The following TDRD12 variants were observed in gnomAD, a reference collection of about 807,000 sequenced individuals.
The protein encoded by TDRD12 is tudor domain containing 12.
A neutral mutation model predicts 133.5 loss-of-function variants in TDRD12; 158 were observed. The observed-to-expected ratio is 1.18, with a 90% confidence interval of 1.04 to 1.35. The LOEUF is 1.35. TDRD12 is among the 40% of genes most tolerant of loss of function. The pLI, the probability that TDRD12 is intolerant of heterozygous loss-of-function variation, is 0.00. For synonymous variants in TDRD12, 460 were observed against 477.9 expected (o/e 0.96, Z 0.49); for missense variants, 1,443 against 1,321.3 (o/e 1.09, Z -1.43).
chr19:32,722,679 ATTTTT>A (rs34068580), intron 1 of TDRD12, among the ~76,000 whole-genome samples: 1 of 102,064 alleles, frequency 9.8e-6, no homozygotes, highest in Non-Finnish European at 2.3e-5. Flanking sequence ...TTTAAAAAAA[ATTTTT>A]TTTTTTTTTT....
Position 32,810,267 on chromosome 19 carries a change from CT to C in TDRD12, c.2832del (p.His945ThrfsTer8). ...ATTGTATGGATTAGCAGAAAAAACGCTTTTTCACAGGTAACACATCTGTTTA... is the reference window on the plus strand; with the variant it reads ...ATTGTATGGATTAGCAGAAAAAACGCTTTTCACAGGTAACACATCTGTTTA... On this transcript the variant is annotated frameshift_variant, in exon 23 of 28. Transcript: ENST00000444215. LOFTEE classifies it high-confidence loss of function. The C allele has an allele frequency of 5.3e-6, 8 of 1,514,782 alleles. No individual in the cohort carries two copies. The highest frequency in any genetic ancestry group is 7.0e-6 in the Non-Finnish European group (8 of 1,138,218). The allele number at this position is 1,514,782 out of a possible 1,614,324, so 93.8% of individuals were successfully genotyped here.
chr19:32,811,398 A>G, exon 24 of TDRD12: 1 of 1,536,158 alleles, frequency 6.5e-7, no homozygotes, highest in East Asian at 2.4e-5. Context: ...CCTGCTGACA[A>G]CGAAATAGAA....
At chr19:32,743,200 C>T (rs1018192264) in intron 4 of TDRD12, among the ~76,000 whole-genome samples, 18 of 152,248 alleles carry the variant, frequency 1.2e-4, no homozygotes, top group African/African-American at 2.7e-4. Flanking sequence ...CACGCGCACG[C>T]GCGCACGGTC....
intron 8 of TDRD12, among the ~76,000 whole-genome samples, chr19:32,772,453 A>G (rs949574200): frequency 6.6e-6 from 1 of 152,176 alleles, no homozygotes; most frequent in Admixed American, 6.5e-5. Flanking sequence ...GTGTTGGGAG[A>G]TGTTGCCATG....
intron 10 of TDRD12, 106 bp from the exon 11 acceptor site, chr19:32,777,043 C>G: frequency 1.4e-6 from 1 of 726,202 alleles, no homozygotes; most frequent in Non-Finnish European, 2.2e-6. Flanking sequence ...TGCACACCAC[C>G]ATGCCCGGCA....
At chr19:32,746,459 G>T (rs1312080516) in intron 4 of TDRD12, among the ~76,000 whole-genome samples, 1 of 26,878 alleles carries the variant, frequency 3.7e-5, no homozygotes, top group Admixed American at 3.8e-4. Context: ...AGAGAGACTG[G>T]CTGATGTGGT....
At chr19:32,822,575 G>A (rs951782778), downstream of TDRD12, among the ~76,000 whole-genome samples, 2 of 152,006 alleles carry the variant, frequency 1.3e-5, no homozygotes, top group Non-Finnish European at 2.9e-5. Flanking sequence ...GTGAAACCCC[G>A]TCTCTACTAA....
At chr19:32,772,709 T>C (rs1599565253) in intron 8 of TDRD12, 44 bp from the exon 9 acceptor site, 2 of 1,157,042 alleles carry the variant, frequency 1.7e-6, no homozygotes, top group East Asian at 2.8e-5. Context: ...TCTATTAATA[T>C]CACTTTTTGG....
intron 5 of TDRD12, among the ~76,000 whole-genome samples, chr19:32,749,468 G>A (rs946946850): frequency 1.6e-4 from 24 of 152,098 alleles, no homozygotes; most frequent in African/African-American, 5.1e-4. Flanking sequence ...GGGAGTAGCC[G>A]GGTGCTGCAC....
chr19:32,762,127 A>G (rs1970168737), intron 8 of TDRD12, among the ~76,000 whole-genome samples: 1 of 152,142 alleles, frequency 6.6e-6, no homozygotes, highest in Non-Finnish European at 1.5e-5. Context: ...ATTTCCTCCT[A>G]GTGTGTGGCT....
intron 25 of TDRD12, 73 bp from the exon 26 acceptor site, chr19:32,815,375 T>C: frequency 7.8e-7 from 1 of 1,288,240 alleles, no homozygotes; most frequent in East Asian, 2.5e-5. Flanking sequence ...AGAGAGGCCC[T>C]GTGGGAATGT....
At chr19:32,808,413 G>A (rs557581606) in intron 22 of TDRD12, among the ~76,000 whole-genome samples, 145 of 152,316 alleles carry the variant, frequency 9.5e-4, no homozygotes, top group African/African-American at 3.4e-3. Flanking sequence ...CCTCCAGAAG[G>A]TGACCTGGCC....
intron 8 of TDRD12, among the ~76,000 whole-genome samples, chr19:32,772,317 A>G (rs957171586): frequency 1.3e-5 from 2 of 152,092 alleles, no homozygotes; most frequent in African/African-American, 4.8e-5. Context: ...GCCTTTTCGT[A>G]ATGTCACTTT....
chr19:32,752,849 C>G (rs1346273638), intron 6 of TDRD12, among the ~76,000 whole-genome samples: 7 of 144,850 alleles, frequency 4.8e-5, no homozygotes, highest in South Asian at 4.4e-4. Flanking sequence ...CTGGAGTGCA[C>G]TGGCGCGATC....
chr19:32,749,605 C>T (rs1039637907), intron 5 of TDRD12, among the ~76,000 whole-genome samples, 179 bp from the exon 6 acceptor site: 1 of 152,082 alleles, frequency 6.6e-6, no homozygotes, highest in African/African-American at 2.4e-5. Flanking sequence ...GGACAGGACC[C>T]ATAATCCACT....
At chr19:32,796,146 A>G (rs1204270470) in intron 14 of TDRD12, 6 of 985,192 alleles carry the variant, frequency 6.1e-6, no homozygotes, top group African/African-American at 1.7e-5. Context: ...TGGGTGTGGA[A>G]CCTGCATCTC....
chr19:32,772,821 C>T (rs1235179501), exon 9 of TDRD12: 4 of 1,504,182 alleles, frequency 2.7e-6, no homozygotes, highest in Admixed American at 4.6e-5. Context: ...AAAGAAACAC[C>T]ATTGCATCTC....
chr19:32,813,001 C>T (rs888179770), intron 24 of TDRD12, among the ~76,000 whole-genome samples: 3 of 151,586 alleles, frequency 2.0e-5, no homozygotes, highest in Non-Finnish European at 2.9e-5. Context: ...GTGAGACCCC[C>T]ATCTCTAAAA....
At chr19:32,731,828 A>C in exon 2 of TDRD12, 1 of 1,551,432 alleles carries the variant, frequency 6.4e-7, no homozygotes, top group Non-Finnish European at 8.7e-7. Context: ...AATGACTTCT[A>C]CAACAGCACG....
Sources: gnomAD v4.1 joint callset for allele counts (sites outside exome capture counted in the v4.1 genomes callset) on GRCh38, gnomAD v4.1.1 for gene constraint, MANE v1.5 for transcripts, NCBI Gene and HGNC (gene_info 2026-07-23, HGNC 2026-07-21) for gene names.